The following ADCY9 variants were observed in gnomAD, a reference collection of about 807,000 sequenced individuals.
ADCY9 encodes adenylate cyclase type 9.
In ADCY9, 50 loss-of-function variants were observed where a neutral mutation model predicts 101.5. The observed-to-expected ratio is 0.49, with a 90% CI of 0.39 to 0.62. ADCY9 has a LOEUF of 0.62. Ranked by LOEUF, ADCY9 falls within the 20% of genes least tolerant of loss-of-function variation. The probability of loss-of-function intolerance (pLI) is 0.00; values close to 1 mark genes in which losing one functional copy is unlikely to be tolerated. For synonymous variants in ADCY9, 905 were observed against 769.3 expected (o/e 1.18, Z -2.92); for missense variants, 1,662 against 1,800.4 (o/e 0.92, Z 1.39).
intron 2 of ADCY9, among the ~76,000 whole-genome samples, chr16:4,012,916 C>T (rs2056413443): frequency 6.6e-6 from 1 of 152,020 alleles, no homozygotes. Flanking sequence ...ACTGAGATAC[C>T]CTCAGCCACC....
intron 10 of ADCY9, among the ~76,000 whole-genome samples, chr16:3,972,379 G>A (rs186924482): frequency 1.3e-5 from 2 of 151,848 alleles, no homozygotes; most frequent in East Asian, 1.9e-4. Flanking sequence ...ACAGGTGCCC[G>A]CCACCACGTC....
chr16:4,027,634 T>C (rs1372559386), intron 2 of ADCY9, among the ~76,000 whole-genome samples: 1 of 152,048 alleles, frequency 6.6e-6, no homozygotes, highest in African/African-American at 2.4e-5. Context: ...CCCAGCACTG[T>C]GGGAGGCCGA....
intron 2 of ADCY9, among the ~76,000 whole-genome samples, chr16:4,105,360 C>G (rs539410966): frequency 6.6e-6 from 1 of 151,892 alleles, no homozygotes; most frequent in African/African-American, 2.4e-5. Context: ...CATAGGGAGA[C>G]GTCATCTCTA....
rs1268323678 is a variant in ADCY9, at chr16:3,983,451, C to A, written c.2311-11G>T. 1 of 1,591,718 alleles carries A rather than the reference C, an allele frequency of 6.3e-7. No individual in the cohort carries two copies. Among genetic ancestry groups the A allele is most frequent in the Non-Finnish European group, 8.6e-7 (1 of 1,168,228 alleles). ...GGAGTTCTTTATGACCTGTGTGGAG[C>A]AGGAGTGGAGCAGAATGACTGGGAG... On this transcript the variant is annotated splice_polypyrimidine_tract_variant and intron_variant, in intron 6 of 10. Coordinates refer to ENST00000294016, the MANE Select transcript of ADCY9 (RefSeq NM_001116.4).
intron 2 of ADCY9, among the ~76,000 whole-genome samples, chr16:4,051,961 C>A (rs903260754): frequency 6.6e-6 from 1 of 152,140 alleles, no homozygotes; most frequent in Non-Finnish European, 1.5e-5. Context: ...TTACAAAATA[C>A]CAACAAATTA....
chr16:4,108,706 C>T (rs1252046530), intron 2 of ADCY9, among the ~76,000 whole-genome samples: 1 of 124,540 alleles, frequency 8.0e-6, no homozygotes, highest in East Asian at 2.4e-4. Flanking sequence ...GTCCCTCACA[C>T]TTTTTTTTTT....
intron 2 of ADCY9, among the ~76,000 whole-genome samples, chr16:4,021,321 T>C (rs370337150): frequency 5.9e-5 from 9 of 152,226 alleles, no homozygotes; most frequent in African/African-American, 1.9e-4. Context: ...GCAGCAGGTG[T>C]TTCAGGAAAG....
At chr16:3,975,447 C>T (rs2056085626) in intron 9 of ADCY9, among the ~76,000 whole-genome samples, 1 of 152,158 alleles carries the variant, frequency 6.6e-6, no homozygotes, top group African/African-American at 2.4e-5. Context: ...CTGCCCATGG[C>T]TGGACTGTTG....
intron 2 of ADCY9, among the ~76,000 whole-genome samples, chr16:4,110,059 G>C (rs2057103600): frequency 6.6e-6 from 1 of 152,074 alleles, no homozygotes; most frequent in Admixed American, 6.6e-5. Flanking sequence ...CTGATCTCAG[G>C]ACCCAGCTCC....
At chr16:4,071,457 T>G (rs900244980) in intron 2 of ADCY9, among the ~76,000 whole-genome samples, 11 of 151,476 alleles carry the variant, frequency 7.3e-5, no homozygotes, top group Non-Finnish European at 1.5e-4. Context: ...AAAGCCAACT[T>G]AAAAAGGGTC....
chr16:4,034,874 C>T lies in ADCY9; in HGVS notation c.1694-27316G>A, dbSNP rs112803633. On this transcript the variant is annotated intron_variant, in intron 2 of 10. Transcript: ENST00000294016. ...GACCTTGCCGGCTGGAAGCAAGACC[C>T]TTCTGGTCATCTTTACTACCAGGTA... Among the ~76,000 whole-genome samples the T allele has an allele frequency of 1.9e-3, 290 of 152,316 alleles. No homozygotes were observed. The Middle Eastern group carries it at 0.02, about 11-fold the overall frequency.
At chr16:4,088,528 G>A (rs1009158743) in intron 2 of ADCY9, among the ~76,000 whole-genome samples, 2 of 151,986 alleles carry the variant, frequency 1.3e-5, no homozygotes, top group East Asian at 1.9e-4. Flanking sequence ...GAGCTCAAGC[G>A]ATCTGCCCAC....
At chr16:4,000,968 TACACACACACACACACACACAC>T (rs141254290) in intron 3 of ADCY9, among the ~76,000 whole-genome samples, 8 of 125,334 alleles carry the variant, frequency 6.4e-5, no homozygotes, top group African/African-American at 1.7e-4. Flanking sequence ...TCCCTCTCTC[TACACACACACACACACACACAC>T]ACACACACAC....
At position 4,046,176 on chromosome 16, in the gene ADCY9, G is replaced by A. The variant is rs116144593; in HGVS notation, c.1694-38618C>T. On this transcript the variant is annotated intron_variant, in intron 2 of 10. Transcript: ENST00000294016. The stretch of plus-strand genomic sequence containing the variant: ...TGAATTTGTGATTCGTGTTAATGAC[G>A]AACCTGAGCTGAGCCTTAAGTATCT... Among the ~76,000 whole-genome samples the A allele has an allele frequency of 2.6e-3, 388 of 152,130 alleles. 2 individuals carry two copies. The highest frequency in any genetic ancestry group is 8.7e-3 in the African/African-American group (359 of 41,498).
chr16:4,054,740 T>G (rs1160774918), intron 2 of ADCY9, among the ~76,000 whole-genome samples: 4 of 152,016 alleles, frequency 2.6e-5, no homozygotes, highest in Non-Finnish European at 4.4e-5. Flanking sequence ...CCGGCTAATT[T>G]TGTATTGTTA....
chr16:3,969,807 G>A (rs568513026), intron 10 of ADCY9, among the ~76,000 whole-genome samples: 6 of 150,448 alleles, frequency 4.0e-5, no homozygotes, highest in Non-Finnish European at 8.9e-5. Flanking sequence ...GTAGAGATGA[G>A]GTCTTACTAT....
At chr16:3,959,062 C>T (rs1363835345), downstream of ADCY9, among the ~76,000 whole-genome samples, 1 of 151,990 alleles carries the variant, frequency 6.6e-6, no homozygotes, top group Non-Finnish European at 1.5e-5. Flanking sequence ...ACGTTAACAG[C>T]CCTATTTAAA....
rs1182333700 is a variant in ADCY9 at position 4,114,580 on chromosome 16, T to C, written c.863A>G (p.His288Arg). 6.2e-7 allele frequency: 1 copy of C among 1,613,950 alleles called. No individual in the cohort carries two copies. The highest frequency in any genetic ancestry group is 1.7e-5 in the Admixed American group (1 of 60,030). The change falls in exon 2 of 11, where the codon CAC becomes CGC. Residue 288 changes from histidine (H) to arginine (R), a missense_variant. Transcript: ENST00000294016. The surrounding 1 kb of genome is among the most constrained non-coding windows in gnomAD (Gnocchi z 4.3). ...HWELLSRGLL[H>R]GCIHAIGVHL... ...GACCCCGATGGCGTGGATGCAGCCG[T>C]GGAGCAGCCCCCTGCTCAGCAGCTC...
intron 2 of ADCY9, among the ~76,000 whole-genome samples, chr16:4,111,927 T>C (rs2057116277): frequency 6.6e-6 from 1 of 150,498 alleles, no homozygotes; most frequent in Non-Finnish European, 1.5e-5. Context: ...ATTCACAAAA[T>C]AGGTATTCAA....
Sources: gnomAD v4.1 joint callset for allele counts (sites outside exome capture counted in the v4.1 genomes callset) on GRCh38, gnomAD v4.1.1 for gene constraint, Gnocchi (gnomAD v3.1) non-coding constraint, MANE v1.5 for transcripts, NCBI Gene and HGNC (gene_info 2026-07-23, HGNC 2026-07-21) for gene names.